RAD50: variants seen among roughly 807,000 people sequenced by gnomAD.
The protein encoded by RAD50 is DNA repair protein RAD50.
In RAD50, 132 loss-of-function variants were observed where a neutral mutation model predicts 168.8. The ratio of observed to expected loss-of-function variants is 0.78; its 90% confidence interval spans 0.68 to 0.90. The LOEUF is 0.90. RAD50 is among the 40% of genes least tolerant of loss of function. The pLI, the probability that RAD50 is intolerant of heterozygous loss-of-function variation, is 0.00. For missense variants in RAD50, 1,347 were observed against 1,534.4 expected (o/e 0.88, Z 2.04); for synonymous variants, 525 against 497.4 (o/e 1.06, Z -0.74).
At chr5:132,566,997 A>T (rs1237339897) in intron 2 of RAD50, among the ~76,000 whole-genome samples, 4 of 152,224 alleles carry the variant, frequency 2.6e-5, no homozygotes, top group African/African-American at 9.7e-5. Context: ...TGTTTAGCAC[A>T]CCTTGTCTAC....
At chr5:132,640,365 T>G (rs575644154) in intron 23 of RAD50, among the ~76,000 whole-genome samples, 2 of 152,226 alleles carry the variant, frequency 1.3e-5, no homozygotes, top group Admixed American at 1.3e-4. Context: ...AATGGCATTG[T>G]CTCTGTTTCT....
intron 3 of RAD50, among the ~76,000 whole-genome samples, chr5:132,578,286 C>CAAGAACCT (rs1750435067): frequency 6.6e-6 from 1 of 152,168 alleles, no homozygotes; most frequent in African/African-American, 2.4e-5. Context: ...TGACAAAAGC[C>CAAGAACCT]AAGAACCTAA....
chr5:132,611,973 G>T (rs1427581037), intron 19 of RAD50, among the ~76,000 whole-genome samples: 1 of 152,174 alleles, frequency 6.6e-6, no homozygotes. Flanking sequence ...AAGGTTCTTA[G>T]CTAGGGGCAC....
At chr5:132,599,824 A>G (rs375501444) in intron 13 of RAD50, among the ~76,000 whole-genome samples, 2 of 151,992 alleles carry the variant, frequency 1.3e-5, no homozygotes, top group African/African-American at 4.8e-5. Context: ...TAGGGATGTT[A>G]CTTAACCCAT....
At chr5:132,631,404 G>A (rs990313975) in intron 21 of RAD50, among the ~76,000 whole-genome samples, 4 of 152,130 alleles carry the variant, frequency 2.6e-5, no homozygotes, top group Admixed American at 1.3e-4. Flanking sequence ...ACAGGCGTGA[G>A]CCACCTCACC....
At chr5:132,589,180 T>A (rs1187071559) in intron 8 of RAD50, among the ~76,000 whole-genome samples, 1 of 152,218 alleles carries the variant, frequency 6.6e-6, no homozygotes, top group African/African-American at 2.4e-5. Context: ...TGGTTTTGAT[T>A]GTTTTTAAAA....
intron 24 of RAD50, 138 bp from the exon 25 acceptor site, chr5:132,642,040 C>A: frequency 1.1e-6 from 1 of 896,388 alleles, no homozygotes; most frequent in Non-Finnish European, 1.8e-6. Flanking sequence ...TGGGGCCACC[C>A]CTCCACTTCC....
At chr5:132,592,055 A>T (rs1432020566) in intron 11 of RAD50, 21 bp downstream of exon 11, 4 of 1,593,932 alleles carry the variant, frequency 2.5e-6, no homozygotes, top group Non-Finnish European at 3.4e-6. Flanking sequence ...ACATTTGGAG[A>T]TGTAATAGAA....
chr5:132,605,234 G>A (rs1015845100), intron 16 of RAD50, among the ~76,000 whole-genome samples: 3 of 149,384 alleles, frequency 2.0e-5, no homozygotes, highest in East Asian at 4.0e-4. Flanking sequence ...TAGTAGAGAC[G>A]GGTTTTCGCC....
At position 132,595,790 on chromosome 5, in the gene RAD50, G is replaced by GC; in HGVS notation, c.2188dup (p.Leu730ProfsTer12). 1 of 1,609,418 alleles carries GC rather than the reference G, an allele frequency of 6.2e-7. No individual in the cohort carries two copies. Among genetic ancestry groups the GC allele is most frequent in the Non-Finnish European group, 8.5e-7 (1 of 1,177,678 alleles). The stretch of plus-strand genomic sequence containing the variant: ...AAAAGGAAAAGCGGCGTGATGAAAT[G>GC]CTGGGACTTGTGCCCATGAGGTAAG... On this transcript the variant is annotated frameshift_variant, in exon 13 of 25. Transcript: ENST00000378823. LOFTEE classifies it high-confidence loss of function.
At chr5:132,574,278 A>C (rs1750356792) in intron 2 of RAD50, among the ~76,000 whole-genome samples, 1 of 152,090 alleles carries the variant, frequency 6.6e-6, no homozygotes, top group Non-Finnish European at 1.5e-5. Context: ...TCATTTCTTG[A>C]CTTCTGTGCA....
In RAD50 at chr5:132,575,941, A is replaced by G. The variant is rs572257869; in HGVS notation, c.365+13A>G. On this transcript the variant is annotated intron_variant, in intron 3 of 24. Transcript: ENST00000378823. ...TTACTAGAACAAAGTAGGTGTTTATATGATATTTGAATTTCTGTTCATTTT... is the reference window on the plus strand; with the variant it reads ...TTACTAGAACAAAGTAGGTGTTTATGTGATATTTGAATTTCTGTTCATTTT... 2.5e-6 allele frequency: 4 copies of G among 1,588,888 alleles called. No homozygotes were observed. Among genetic ancestry groups the G allele is most frequent in the Non-Finnish European group, 2.6e-6 (3 of 1,161,894 alleles).
chr5:132,591,107 C>A, intron 9 of RAD50, 117 bp from the exon 10 acceptor site: 1 of 1,068,316 alleles, frequency 9.4e-7, no homozygotes, highest in Non-Finnish European at 1.4e-6. Flanking sequence ...TTGTTGGATG[C>A]AAACAGTAAT....
At chr5:132,570,036 G>C (rs1422757847) in intron 2 of RAD50, among the ~76,000 whole-genome samples, 1 of 152,152 alleles carries the variant, frequency 6.6e-6, no homozygotes, top group Non-Finnish European at 1.5e-5. Flanking sequence ...GAATAAAAAA[G>C]AAATATCATA....
chr5:132,595,175 T>C (rs1359328505), intron 12 of RAD50, 131 bp downstream of exon 12: 1 of 964,384 alleles, frequency 1.0e-6, no homozygotes, highest in Non-Finnish European at 1.6e-6. Flanking sequence ...GTCCTGGCTC[T>C]ACAACTTACT....
intron 21 of RAD50, among the ~76,000 whole-genome samples, chr5:132,621,505 C>T (rs1340597646): frequency 6.6e-6 from 1 of 152,170 alleles, no homozygotes; most frequent in Non-Finnish European, 1.5e-5. Flanking sequence ...TTAAATCCCA[C>T]TCCTCCCTTC....
At chr5:132,596,527 A>G (rs991674386) in intron 13 of RAD50, among the ~76,000 whole-genome samples, 1 of 152,240 alleles carries the variant, frequency 6.6e-6, no homozygotes, top group African/African-American at 2.4e-5. Flanking sequence ...AGAATGAATC[A>G]TAGATGATTT....
At chr5:132,625,247 C>T (rs375509059) in intron 21 of RAD50, among the ~76,000 whole-genome samples, 5,100 of 151,612 alleles carry the variant, frequency 0.034, 108 homozygotes, top group Middle Eastern at 0.075. Flanking sequence ...CCACTACGCC[C>T]GGCTAATTTT....
At chr5:132,632,229 T>C (rs1306155179) in intron 21 of RAD50, among the ~76,000 whole-genome samples, 4 of 152,380 alleles carry the variant, frequency 2.6e-5, no homozygotes, top group South Asian at 4.1e-4. Context: ...GTACCACTTA[T>C]ACAACTAAAG....
Sources: allele counts gnomAD v4.1 joint callset (sites outside exome capture counted in the v4.1 genomes callset), GRCh38; gene constraint gnomAD v4.1.1; transcripts MANE v1.5; gene names NCBI Gene and HGNC (gene_info 2026-07-23, HGNC 2026-07-21).